Variants in SLC44A4 observed in about 807,000 individuals in gnomAD.
SLC44A4 encodes the protein choline transporter-like protein 4.
Under a neutral mutation model 97.0 loss-of-function variants are expected in SLC44A4, and 74 were observed. The observed-to-expected ratio is 0.76, with a 90% CI of 0.63 to 0.93. The LOEUF (loss-of-function observed/expected upper bound fraction) is 0.93, where lower values mean the gene tolerates loss of function less well. SLC44A4 is among the 40% of genes least tolerant of loss of function. SLC44A4 has a pLI of 0.00. For missense variants in SLC44A4, 799 were observed against 902.9 expected, an observed-to-expected ratio of 0.88 and a Z score of 1.48; for synonymous variants, 325 against 363.8, an observed-to-expected ratio of 0.89 and a Z score of 1.21.
At position 31,869,275 on chromosome 6, in the gene SLC44A4, A is replaced by G. The variant is rs191301354; in HGVS notation, c.1131-18T>C. The stretch of plus-strand genomic sequence containing the variant: ...CCAGGTACCCAGAGGGGAGTCAAGG[A>G]AAGCATGATCACACGAGGTCTCCAC... On this transcript the variant is annotated intron_variant, in intron 12 of 20. Transcript: ENST00000229729. 303 of 1,583,894 alleles carry G rather than the reference A, an allele frequency of 1.9e-4. 1 individual carries two copies. The East Asian group carries it at 3.8e-3, about 20-fold the overall frequency.
chr6:31,875,696 G>T, intron 4 of SLC44A4, 156 bp downstream of exon 4: 1 of 675,738 alleles, frequency 1.5e-6, no homozygotes, highest in Non-Finnish European at 2.6e-6. Context: ...AACGTGGCCT[G>T]GAGTTGTCAG....
chr6:31,866,247 C>A (rs1762868540), intron 13 of SLC44A4, 121 bp from the exon 14 acceptor site: 1 of 1,291,320 alleles, frequency 7.7e-7, no homozygotes, highest in Non-Finnish European at 1.1e-6. Context: ...AGTAGCTTCT[C>A]TGGACTGCGG....
chr6:31,869,138 C>G lies in SLC44A4; in HGVS notation c.1233+17G>C, dbSNP rs1315534968. ...ACCCCTACTAGTCCCGCCTCCATGTCCCCTGCTTCCTCTTACCGTGGGGTT... is the reference window on the plus strand; with the variant it reads ...ACCCCTACTAGTCCCGCCTCCATGTGCCCTGCTTCCTCTTACCGTGGGGTT... On this transcript the variant is annotated intron_variant, in intron 13 of 20. Coordinates refer to ENST00000229729, the MANE Select transcript of SLC44A4 (RefSeq NM_025257.3). 1 of 1,590,606 alleles carries G rather than the reference C, an allele frequency of 6.3e-7. No homozygotes were observed. The highest frequency in any genetic ancestry group is 1.2e-5 in the South Asian group (1 of 86,758).
In SLC44A4 at chr6:31,874,999, A is replaced by T. The variant is rs770351030; in HGVS notation, c.272T>A (p.Ile91Asn). Residue 91 changes from isoleucine to asparagine, a missense_variant, in exon 5 of 21, where the codon ATC (isoleucine) becomes AAC (asparagine). Physicochemically the swap from Ile to Asn is moderately radical, Grantham distance 149 (BLOSUM62 -3). Transcript: ENST00000229729. The surrounding 1 kb of genome is among the most constrained non-coding windows in gnomAD (Gnocchi z 4.8). ...KDKPYLLYFNIFSCILSSNII... is the reference protein window; with the variant it reads ...KDKPYLLYFNNFSCILSSNII... ...GTTGCTGGACAGGATGCAGCTGAAG[A>T]TGTTGAAGTACAGGAGATACGGCTT... The T allele has an allele frequency of 8.1e-6, 13 of 1,612,934 alleles. No homozygotes were observed. The highest frequency in any genetic ancestry group is 7.6e-6 in the Non-Finnish European group (9 of 1,179,980).
Position 31,874,808 on chromosome 6 carries a change from C to T in SLC44A4, c.381G>A (p.Val127=). 2 of 1,613,486 alleles carry T rather than the reference C, an allele frequency of 1.2e-6. No individual in the cohort carries two copies. Among genetic ancestry groups the T allele is most frequent in the Non-Finnish European group, 1.7e-6 (2 of 1,179,786 alleles). The change falls in exon 6 of 21, where the codon GTG becomes GTA. Residue 127 remains valine (V), a synonymous_variant. Coordinates refer to ENST00000229729, the MANE Select transcript of SLC44A4 (RefSeq NM_025257.3). The surrounding 1 kb of genome is among the most constrained non-coding windows in gnomAD (Gnocchi z 4.8). ...VSSCPEDPWT[V]GKNEFSQTVG... ...CAGTCTGTGAGAACTCGTTTTTTCC[C>T]ACAGTCCATGGGTCCTCCGGGCAGG...
chr6:31,875,858 T>A lies in SLC44A4; in HGVS notation c.236A>T (p.Glu79Val). The change falls in exon 4 of 21, where the codon GAG becomes GTG. Residue 79 changes from glutamate to valine, a missense_variant. Physicochemically the swap from Glu to Val is moderately radical, Grantham distance 121 (BLOSUM62 -2). Transcript: ENST00000229729. Reference protein sequence around the residue: ...NSTGAYCGMGENKDKPYLLYF... With the variant: ...NSTGAYCGMGVNKDKPYLLYF... ...TTCTCGCCTTTGTACTCACTTGTTCTCCCCCATGCCACAGTAGGCCCCAGT... is the reference window on the plus strand; with the variant it reads ...TTCTCGCCTTTGTACTCACTTGTTCACCCCCATGCCACAGTAGGCCCCAGT... 6.2e-7 allele frequency: 1 copy of A among 1,610,114 alleles called. No individual in the cohort carries two copies. The highest frequency in any genetic ancestry group is 8.5e-7 in the Non-Finnish European group (1 of 1,177,828).
In SLC44A4 at chr6:31,865,436, C is replaced by A. The variant is rs1204743719; in HGVS notation, c.1687-48G>T. 1.2e-6 allele frequency: 2 copies of A among 1,612,602 alleles called. No homozygotes were observed. The highest frequency in any genetic ancestry group is 3.3e-4 in the Middle Eastern group (2 of 6,062). On this transcript the variant is annotated intron_variant, in intron 16 of 20. Transcript: ENST00000229729. This position sits in a 1 kb window ranked among gnomAD's most constrained non-coding sequence, Gnocchi z 5.2. The stretch of plus-strand genomic sequence containing the variant: ...AGTTACCAAGGCGAGCTGCCTGGAC[C>A]AGGATGGGGGTGTCTAGACCAAAGG...
intron 9 of SLC44A4, 67 bp from the exon 10 acceptor site, chr6:31,871,114 C>G (rs1763151150): frequency 3.5e-6 from 5 of 1,445,522 alleles, no homozygotes; most frequent in Middle Eastern, 1.7e-4. Flanking sequence ...TACAGAGGCC[C>G]TCCCTGCCTT....
At chr6:31,869,056 C>T in intron 13 of SLC44A4, 99 bp downstream of exon 13, 3 of 989,176 alleles carry the variant, frequency 3.0e-6, no homozygotes, top group East Asian at 2.6e-5. Flanking sequence ...AAGTTTCTTG[C>T]CCTCTGTGGC....
At position 31,876,155 on chromosome 6, in the gene SLC44A4, T is replaced by C. The variant is rs1253833163; in HGVS notation, c.90-26A>G. 6.3e-7 allele frequency: 1 copy of C among 1,597,886 alleles called. No homozygotes were observed. The highest frequency in any genetic ancestry group is 8.6e-7 in the Non-Finnish European group (1 of 1,169,202). ...CTGAGAGAGAAACGAAACGGGAGGC[T>C]GAGCTAAGGAGACTTGGGGAGGTAG... On this transcript the variant is annotated intron_variant, in intron 2 of 20. Transcript: ENST00000229729. This position sits in a 1 kb window ranked among gnomAD's most constrained non-coding sequence, Gnocchi z 4.8.
intron 9 of SLC44A4, 51 bp downstream of exon 9, chr6:31,871,263 T>C (rs908027909): frequency 6.5e-7 from 1 of 1,549,370 alleles, no homozygotes; most frequent in African/African-American, 1.4e-5. Context: ...GGGTAGAGGA[T>C]CAGGGAGGAA....
chr6:31,871,252 G>T, intron 9 of SLC44A4, 62 bp downstream of exon 9: 3 of 1,506,980 alleles, frequency 2.0e-6, no homozygotes, highest in Non-Finnish European at 2.8e-6. Context: ...ATTGGGCGAG[G>T]GGGTAGAGGA....
rs1020635233 is a variant in SLC44A4 at position 31,876,815 on chromosome 6, C to A, written c.89+219G>T. 1.3e-5 allele frequency among the ~76,000 whole-genome samples: 2 copies of A among 151,804 alleles called. No individual in the cohort carries two copies. The highest frequency in any genetic ancestry group is 4.9e-5 in the African/African-American group (2 of 41,220). Reference sequence around the variant, plus strand: ...GGGTGAGTTCTCTCGCTTGTGAAGCCGGCACTTAAGTCAAGAAACAGAACA... The same window carrying A: ...GGGTGAGTTCTCTCGCTTGTGAAGCAGGCACTTAAGTCAAGAAACAGAACA... On this transcript the variant is annotated intron_variant, in intron 2 of 20. Coordinates refer to ENST00000229729, the MANE Select transcript of SLC44A4 (RefSeq NM_025257.3). The surrounding 1 kb of genome is among the most constrained non-coding windows in gnomAD (Gnocchi z 4.8).
At chr6:31,866,463 A>AT (rs1762879859) in intron 13 of SLC44A4, among the ~76,000 whole-genome samples, 1 of 152,174 alleles carries the variant, frequency 6.6e-6, no homozygotes, top group South Asian at 2.1e-4. Context: ...TTAAGGAATT[A>AT]TTGTTAATTT....
intron 13 of SLC44A4, 109 bp from the exon 14 acceptor site, chr6:31,866,235 G>T: frequency 7.2e-7 from 1 of 1,389,848 alleles, no homozygotes; most frequent in Non-Finnish European, 9.8e-7. Flanking sequence ...TGACAGGTGG[G>T]AAGTAGCTTC....
intron 11 of SLC44A4, among the ~76,000 whole-genome samples, chr6:31,869,964 G>A (rs1484469900): frequency 6.8e-6 from 1 of 146,422 alleles, no homozygotes; most frequent in African/African-American, 2.6e-5. Context: ...CAGCCTGGTC[G>A]ACAGAGCGAG....
intron 20 of SLC44A4, 29 bp from the exon 21 acceptor site, chr6:31,863,777 G>C (rs1386890347): frequency 6.2e-7 from 1 of 1,610,876 alleles, no homozygotes; most frequent in Non-Finnish European, 8.5e-7. Flanking sequence ...CGGTTAGAGC[G>C]GACCCTGGGG....
At position 31,868,579 on chromosome 6, in the gene SLC44A4, G is replaced by T. The variant is rs1762981286; in HGVS notation, c.1233+576C>A. On this transcript the variant is annotated intron_variant, in intron 13 of 20. Coordinates refer to ENST00000229729, the MANE Select transcript of SLC44A4 (RefSeq NM_025257.3). Reference sequence around the variant, plus strand: ...TGCTTGGGTACCTGACTACATCGGGGCAACCCCAGGAGTTCAAGACCAGCC... The same window carrying T: ...TGCTTGGGTACCTGACTACATCGGGTCAACCCCAGGAGTTCAAGACCAGCC... Among the ~76,000 whole-genome samples the T allele has an allele frequency of 2.0e-5, 3 of 152,138 alleles. No homozygotes were observed. The South Asian group carries it at 6.2e-4, about 31-fold the overall frequency.
intron 20 of SLC44A4, among the ~76,000 whole-genome samples, chr6:31,863,983 A>G (rs986565761): frequency 1.6e-4 from 24 of 152,070 alleles, no homozygotes; most frequent in Admixed American, 4.6e-4. Flanking sequence ...GAGACTGGCA[A>G]ACCCTGAATG....
Sources: allele counts gnomAD v4.1 joint callset (sites outside exome capture counted in the v4.1 genomes callset), GRCh38; gene constraint gnomAD v4.1.1; non-coding constraint Gnocchi (gnomAD v3.1); transcripts MANE v1.5; gene names NCBI Gene and HGNC (gene_info 2026-07-23, HGNC 2026-07-21).